The following ADAMTS18 variants were observed in gnomAD, a reference collection of about 807,000 sequenced individuals.
ADAMTS18 encodes the protein ADAM metallopeptidase with thrombospondin type 1 motif 18.
ADAMTS18 carries 157 observed loss-of-function variants against 165.9 expected under a neutral mutation model. The observed-to-expected ratio is 0.95, with a 90% confidence interval of 0.83 to 1.08. The LOEUF (loss-of-function observed/expected upper bound fraction) is 1.08. ADAMTS18 is among the 50% of genes least tolerant of loss of function. The pLI, the probability that ADAMTS18 is intolerant of heterozygous loss-of-function variation, is 0.00. For synonymous variants in ADAMTS18, 782 were observed against 578.2 expected, an observed-to-expected ratio of 1.35 and a Z score of -5.06; for missense variants, 2,040 against 1,534.0, an observed-to-expected ratio of 1.33 and a Z score of -5.51.
At chr16:77,286,548 C>CAGAA (rs1212503909) in intron 22 of ADAMTS18, among the ~76,000 whole-genome samples, 1 of 151,038 alleles carries the variant, frequency 6.6e-6, no homozygotes, top group Non-Finnish European at 1.5e-5. Context: ...TATGAATGCT[C>CAGAA]AGAAAGTTCA....
chr16:77,391,610 T>G (rs2057188777), intron 3 of ADAMTS18, among the ~76,000 whole-genome samples: 1 of 151,520 alleles, frequency 6.6e-6, no homozygotes, highest in Admixed American at 6.6e-5. Flanking sequence ...GGGGGAAGAG[T>G]CATCCTAATG....
intron 3 of ADAMTS18, among the ~76,000 whole-genome samples, chr16:77,426,075 G>A (rs1357374444): frequency 6.6e-6 from 1 of 151,768 alleles, no homozygotes; most frequent in African/African-American, 2.4e-5. Flanking sequence ...GGAGTTGGTG[G>A]GGAGGAGTGG....
chr16:77,335,905 C>T lies in ADAMTS18; in HGVS notation c.1711-1G>A. On this transcript the variant is annotated splice_acceptor_variant, in intron 11 of 22. Coordinates refer to ENST00000282849, the MANE Select transcript of ADAMTS18 (RefSeq NM_199355.4). LOFTEE classifies it high-confidence loss of function. ...TTACGCACTGGCCTTGCCGACACCACTGTGAAAAGAACGTGTAAGATGGTT... is the reference window on the plus strand; with the variant it reads ...TTACGCACTGGCCTTGCCGACACCATTGTGAAAAGAACGTGTAAGATGGTT... 3.1e-6 allele frequency: 5 copies of T among 1,614,206 alleles called. No homozygotes were observed. Among genetic ancestry groups the T allele is most frequent in the Non-Finnish European group, 4.2e-6 (5 of 1,180,026 alleles).
intron 16 of ADAMTS18, among the ~76,000 whole-genome samples, chr16:77,300,798 C>T (rs1157214593): frequency 6.6e-6 from 1 of 152,102 alleles, no homozygotes; most frequent in Admixed American, 6.5e-5. Flanking sequence ...TAGTCGTACC[C>T]TACAGAAAAT....
At chr16:77,405,067 G>C (rs555103809) in intron 3 of ADAMTS18, among the ~76,000 whole-genome samples, 2 of 152,300 alleles carry the variant, frequency 1.3e-5, no homozygotes, top group East Asian at 3.9e-4. Context: ...ATTTTGGGCA[G>C]ATCAGCTCTG....
chr16:77,434,381 G>T, intron 2 of ADAMTS18, 37 bp downstream of exon 2: 1 of 1,546,438 alleles, frequency 6.5e-7, no homozygotes, highest in Non-Finnish European at 8.7e-7. Context: ...AAAGTGCTGC[G>T]AAAGGCCCTT....
At chr16:77,392,023 C>G (rs17688095) in intron 3 of ADAMTS18, among the ~76,000 whole-genome samples, 26,456 of 152,152 alleles carry the variant, frequency 0.17, 2,995 homozygotes, top group Non-Finnish European at 0.26. Context: ...AAAACAGTCT[C>G]TCCACATTGA....
chr16:77,399,876 T>TAGTATA (rs1395353207), intron 3 of ADAMTS18, among the ~76,000 whole-genome samples: 10 of 152,210 alleles, frequency 6.6e-5, no homozygotes, highest in Non-Finnish European at 5.9e-5. Flanking sequence ...TAATAGTCTC[T>TAGTATA]AGTATAAACT....
At position 77,289,390 on chromosome 16, in the gene ADAMTS18, C is replaced by G. The variant is rs2055319928; in HGVS notation, c.3424G>C (p.Gly1142Arg). The G allele has an allele frequency of 1.2e-6, 2 of 1,614,090 alleles. No individual in the cohort carries two copies. The highest frequency in any genetic ancestry group is 1.7e-6 in the Non-Finnish European group (2 of 1,179,988). ...CAGTGGACTGACCGGGTCTGGACCCCTCCCCCACAGGTGACTGTGCACTGC... is the reference window on the plus strand; with the variant it reads ...CAGTGGACTGACCGGGTCTGGACCCGTCCCCCACAGGTGACTGTGCACTGC... Reference protein sequence around the residue: ...WQQCTVTCGGGVQTRSVHCVQ... With the variant: ...WQQCTVTCGGRVQTRSVHCVQ... The change falls in exon 22 of 23, where the codon GGG becomes CGG. Residue 1142 changes from glycine to arginine, a missense_variant. By Grantham distance (125) the Gly-to-Arg change is moderately radical (BLOSUM62 -2). Coordinates refer to ENST00000282849, the MANE Select transcript of ADAMTS18 (RefSeq NM_199355.4).
intron 16 of ADAMTS18, among the ~76,000 whole-genome samples, chr16:77,312,576 C>A (rs756698178): frequency 1.3e-5 from 2 of 152,164 alleles, no homozygotes; most frequent in Non-Finnish European, 2.9e-5. Context: ...AAAAATCTTA[C>A]ACCTGGTGAA....
chr16:77,353,941 T>A, intron 9 of ADAMTS18, 55 bp from the exon 10 acceptor site: 2 of 1,605,252 alleles, frequency 1.2e-6, no homozygotes, highest in Non-Finnish European at 1.7e-6. Flanking sequence ...ATCTTTCCAT[T>A]TACGACAACA....
Position 77,291,285 on chromosome 16 carries a change from T to C in ADAMTS18, c.3383A>G (p.Tyr1128Cys). ...ACCCACCTGCTGCCACGGCAATGAA[T>C]ACCATCCAGCTACCATGTTGTACAC... ...HPVYNMVAGWYSLPWQQCTVT... is the reference protein window; with the variant it reads ...HPVYNMVAGWCSLPWQQCTVT... The change falls in exon 21 of 23, where the codon TAT becomes TGT. Residue 1128 changes from tyrosine (Y) to cysteine (C), a missense_variant. Physicochemically the swap from Tyr to Cys is radical, Grantham distance 194. Transcript: ENST00000282849. 6.2e-7 allele frequency: 1 copy of C among 1,614,120 alleles called. No homozygotes were observed. The highest frequency in any genetic ancestry group is 1.7e-5 in the Admixed American group (1 of 60,020).
In ADAMTS18 at chr16:77,293,184, G is replaced by A. The variant is rs373173918; in HGVS notation, c.3081C>T (p.Pro1027=). The change falls in exon 20 of 23, where the codon CCC becomes CCT. Residue 1027 remains proline (P), a synonymous_variant. Transcript: ENST00000282849. Reference sequence around the variant, plus strand: ...TGGGGAGACTGGTACACTGGCTCTCGGGGAGGGTTTCTGCGGCAGAGCCCT... The same window carrying A: ...TGGGGAGACTGGTACACTGGCTCTCAGGGAGGGTTTCTGCGGCAGAGCCCT... The part of the protein sequence containing the change: ...LCKGSAAETL[P]ESQCTSLPRP... 5.5e-5 allele frequency: 88 copies of A among 1,613,770 alleles called. 1 individual carries two copies. The Middle Eastern group carries it at 8.2e-4, about 15-fold the overall frequency.
intron 16 of ADAMTS18, 93 bp from the exon 17 acceptor site, chr16:77,300,497 G>C: frequency 7.0e-7 from 1 of 1,434,086 alleles, no homozygotes; most frequent in Non-Finnish European, 9.8e-7. Context: ...ATATTTACAT[G>C]ACATTTTGAC....
At chr16:77,334,927 T>C (rs1159090415) in intron 12 of ADAMTS18, among the ~76,000 whole-genome samples, 1 of 139,930 alleles carries the variant, frequency 7.1e-6, no homozygotes, top group African/African-American at 2.6e-5. Flanking sequence ...GTATATAGTA[T>C]ATATACTGTA....
intron 8 of ADAMTS18, 97 bp downstream of exon 8, chr16:77,359,221 T>C: frequency 9.5e-7 from 1 of 1,056,616 alleles, no homozygotes; most frequent in Non-Finnish European, 1.4e-6. Context: ...AGACTGATCC[T>C]CTTTGTTCTG....
intron 16 of ADAMTS18, among the ~76,000 whole-genome samples, chr16:77,314,487 C>T (rs1182268594): frequency 1.3e-5 from 2 of 150,848 alleles, no homozygotes; most frequent in Admixed American, 6.6e-5. Context: ...TAGTGCACGC[C>T]TGTAATCCCA....
At chr16:77,284,206 A>T in intron 22 of ADAMTS18, 135 bp from the exon 23 acceptor site, 1 of 639,310 alleles carries the variant, frequency 1.6e-6, no homozygotes. Flanking sequence ...GCTCACTGCA[A>T]TCTCTGCTGC....
chr16:77,383,473 T>C (rs978081803), intron 3 of ADAMTS18, among the ~76,000 whole-genome samples: 9 of 152,114 alleles, frequency 5.9e-5, no homozygotes, highest in African/African-American at 1.7e-4. Flanking sequence ...TCATTTGCTG[T>C]TTCCTGTGCC....
Sources: allele counts gnomAD v4.1 joint callset (sites outside exome capture counted in the v4.1 genomes callset), GRCh38; gene constraint gnomAD v4.1.1; transcripts MANE v1.5; gene names NCBI Gene and HGNC (gene_info 2026-07-23, HGNC 2026-07-21).